The following DTX1 variants were observed in gnomAD, a reference collection of about 807,000 sequenced individuals.
DTX1 encodes deltex E3 ubiquitin ligase 1.
DTX1 carries 26 observed loss-of-function variants against 57.8 expected under a neutral mutation model. That is an observed-to-expected ratio of 0.45 (90% CI 0.33 to 0.62). DTX1 has a LOEUF of 0.62. Among genes scored for constraint, DTX1 ranks in the 20% least tolerant of loss-of-function variants. The pLI is 0.02. For missense variants in DTX1, 704 were observed against 895.3 expected, an observed-to-expected ratio of 0.79 and a Z score of 2.73; for synonymous variants, 398 against 394.1, an observed-to-expected ratio of 1.01 and a Z score of -0.12.
At chr12:113,060,476 G>A (rs1395768718) in intron 2 of DTX1, among the ~76,000 whole-genome samples, 2 of 152,198 alleles carry the variant, frequency 1.3e-5, no homozygotes, top group Non-Finnish European at 2.9e-5. Context: ...TCTGAAGAAT[G>A]AGTGAGGGTG....
In DTX1 at chr12:113,071,722, A is replaced by C. The variant is rs2044739340; in HGVS notation, c.260-5702A>C. On this transcript the variant is annotated intron_variant, in intron 2 of 9. Transcript: ENST00000548759. ...AGTCCAGGCAGGTCACCAAGGAACC[A>C]GCTGCCCACCCCCTCGGCCTGGTCC... Among the ~76,000 whole-genome samples the C allele has an allele frequency of 1.3e-5, 2 of 152,244 alleles. 1 individual carries two copies. The highest frequency in any genetic ancestry group is 4.1e-4 in the South Asian group (2 of 4,836).
At chr12:113,063,973 C>T (rs546739811) in intron 2 of DTX1, among the ~76,000 whole-genome samples, 1 of 152,314 alleles carries the variant, frequency 6.6e-6, no homozygotes, top group Admixed American at 6.5e-5. Flanking sequence ...CCCAGACAGG[C>T]CTTAGGGATA....
intron 2 of DTX1, among the ~76,000 whole-genome samples, chr12:113,076,059 G>C (rs974602347): frequency 6.6e-6 from 1 of 151,762 alleles, no homozygotes; most frequent in African/African-American, 2.4e-5. Context: ...AAGTACGTGG[G>C]GGGTGCACAT....
In DTX1 at chr12:113,093,529, T is replaced by C. The variant is rs1393292747; in HGVS notation, c.1004-10T>C. ...CGCCCCGCCCTGTGACTGCGCCCCCTAACCCCCAGGGATGACCGGGATACT... is the reference window on the plus strand; with the variant it reads ...CGCCCCGCCCTGTGACTGCGCCCCCCAACCCCCAGGGATGACCGGGATACT... On this transcript the variant is annotated splice_polypyrimidine_tract_variant and intron_variant, in intron 4 of 9. Transcript: ENST00000548759. The surrounding 1 kb of genome is among the most constrained non-coding windows in gnomAD (Gnocchi z 4.2). The C allele has an allele frequency of 2.2e-6, 3 of 1,385,398 alleles. No homozygotes were observed. The highest frequency in any genetic ancestry group is 2.4e-4 in the Middle Eastern group (1 of 4,194). 85.8% of individuals were successfully genotyped at this position (1,385,398 alleles called of 1,614,324 possible).
intron 3 of DTX1, among the ~76,000 whole-genome samples, chr12:113,081,242 T>C (rs751252170): frequency 3.3e-5 from 5 of 152,038 alleles, no homozygotes; most frequent in Admixed American, 6.6e-5. Context: ...ACTGGGAGGA[T>C]TGCGTGAACC....
chr12:113,088,354 C>T (rs1007258986), intron 3 of DTX1, among the ~76,000 whole-genome samples: 1 of 152,178 alleles, frequency 6.6e-6, no homozygotes, highest in Non-Finnish European at 1.5e-5. Flanking sequence ...ATTAGTAATG[C>T]CTGCTGTGGG....
chr12:113,057,167 A>T (rs1592838395), intron 1 of DTX1, among the ~76,000 whole-genome samples: 1 of 151,726 alleles, frequency 6.6e-6, no homozygotes, highest in Admixed American at 6.5e-5. Flanking sequence ...ACCCCAGCGC[A>T]CCCGGCATCC....
At chr12:113,090,559 C>T (rs1185471238) in intron 3 of DTX1, among the ~76,000 whole-genome samples, 1 of 152,214 alleles carries the variant, frequency 6.6e-6, no homozygotes, top group Non-Finnish European at 1.5e-5. Flanking sequence ...TTCTTCCCAC[C>T]TCCACTGACC....
Position 113,094,111 on chromosome 12 carries a change from A to AGGGGGGGG in DTX1, c.1227+12_1227+13insGGGGGGGG. On this transcript the variant is annotated intron_variant, in intron 6 of 9. Coordinates refer to ENST00000548759, the MANE Select transcript of DTX1 (RefSeq NM_004416.3). ...ACCCACCTGATGAGGTGAGGAGGGGATGGGGGGGCTGGGGGAGGGCCCTGG... is the reference window on the plus strand; with the variant it reads ...ACCCACCTGATGAGGTGAGGAGGGGAGGGGGGGGTGGGGGGGCTGGGGGAGGGCCCTGG... 3.6e-6 allele frequency: 2 copies of AGGGGGGGG among 562,452 alleles called. No homozygotes were observed. The highest frequency in any genetic ancestry group is 5.3e-5 in the Admixed American group (2 of 37,426). The allele number at this position is 562,452 out of a possible 1,614,324, so 34.8% of individuals were successfully genotyped here.
At position 113,078,023 on chromosome 12, in the gene DTX1, C is replaced by G; in HGVS notation, c.859C>G (p.Arg287Gly). The G allele has an allele frequency of 8.4e-7, 1 of 1,189,802 alleles. No homozygotes were observed. Among genetic ancestry groups the G allele is most frequent in the Non-Finnish European group, 1.0e-6 (1 of 960,452 alleles). The allele number at this position is 1,189,802 out of a possible 1,614,324, so 73.7% of individuals were successfully genotyped here. Residue 287 changes from arginine (R) to glycine (G), a missense_variant, in exon 3 of 10, where the codon CGC becomes GGC. Physicochemically the swap from Arg to Gly is moderately radical, Grantham distance 125 (BLOSUM62 -2). Transcript: ENST00000548759. ...PRSPGAPGGA[R>G]TPGQNNLNRP... ...GAGCCCGGGCGCCCCCGGCGGAGCG[C>G]GCACCCCGGGGCAGAACAACCTCAA...
intron 2 of DTX1, among the ~76,000 whole-genome samples, chr12:113,061,474 C>A (rs563140939): frequency 5.3e-5 from 8 of 152,328 alleles, no homozygotes; most frequent in Admixed American, 3.3e-4. Flanking sequence ...CCTCAACCGG[C>A]AGGGAGCAGA....
intron 1 of DTX1, among the ~76,000 whole-genome samples, chr12:113,057,187 G>A (rs1000531396): frequency 1.3e-5 from 2 of 151,996 alleles, no homozygotes; most frequent in Admixed American, 1.3e-4. Flanking sequence ...CCCCCGGCAG[G>A]GCGAGGGCCC....
chr12:113,062,032 TACACACACACACAC>T (rs35422556), intron 2 of DTX1, among the ~76,000 whole-genome samples: 14 of 142,390 alleles, frequency 9.8e-5, no homozygotes, highest in Non-Finnish European at 1.4e-4. Flanking sequence ...TTATATTTCA[TACACACACACACAC>T]ACACACACAC....
At chr12:113,088,459 G>A (rs1950221080) in intron 3 of DTX1, among the ~76,000 whole-genome samples, 1 of 152,196 alleles carries the variant, frequency 6.6e-6, no homozygotes, top group South Asian at 2.1e-4. Flanking sequence ...GATCATACAG[G>A]GCCTGGTCAT....
rs1387970225 is a variant in DTX1, at chr12:113,095,118, A to T, written c.1463A>T (p.Glu488Val). The T allele has an allele frequency of 6.2e-7, 1 of 1,613,804 alleles. No homozygotes were observed. Among genetic ancestry groups the T allele is most frequent in the South Asian group, 1.1e-5 (1 of 91,078 alleles). ...KTGTQPPGKM[E>V]FHLIPHSLPG... Reference sequence around the variant, plus strand: ...GGTACGCAGCCGCCTGGGAAGATGGAGTTCCACCTCATCCCCCACTCGCTG... The same window carrying T: ...GGTACGCAGCCGCCTGGGAAGATGGTGTTCCACCTCATCCCCCACTCGCTG... The change falls in exon 8 of 10, where the codon GAG (glutamate) becomes GTG (valine). Residue 488 changes from glutamate (E) to valine (V), a missense_variant. Coordinates refer to ENST00000548759, the MANE Select transcript of DTX1 (RefSeq NM_004416.3).
chr12:113,091,672 AC>A (rs1395524648), intron 3 of DTX1, among the ~76,000 whole-genome samples: 1 of 137,884 alleles, frequency 7.3e-6, no homozygotes, highest in African/African-American at 2.5e-5. Flanking sequence ...TGCCAAGGGC[AC>A]CATTTGCTTG....
chr12:113,058,038 G>C lies in DTX1; in HGVS notation c.-155G>C, dbSNP rs1566011583. The C allele has an allele frequency of 8.0e-7, 1 of 1,242,998 alleles. No homozygotes were observed. The highest frequency in any genetic ancestry group is 2.6e-5 in the East Asian group (1 of 39,006). The allele number at this position is 1,242,998 out of a possible 1,614,324, so 77.0% of individuals were successfully genotyped here. A position where few individuals can be genotyped will look rare whatever the true frequency, so the allele number is the denominator to read the frequency against. ...GGCCATCCCACATTCCTTTAACGGA[G>C]GTCTCTAGGCCTCAGAGAGAACCCA... On this transcript the variant is annotated 5_prime_UTR_variant, in exon 2 of 10. Transcript: ENST00000548759.
intron 3 of DTX1, among the ~76,000 whole-genome samples, chr12:113,080,276 A>G (rs1394642501): frequency 6.6e-6 from 1 of 152,192 alleles, no homozygotes; most frequent in Non-Finnish European, 1.5e-5. Context: ...GGATAGAGTC[A>G]CTGAGATCTC....
At chr12:113,087,132 T>A (rs927000698) in intron 3 of DTX1, among the ~76,000 whole-genome samples, 1 of 145,118 alleles carries the variant, frequency 6.9e-6, no homozygotes, top group Non-Finnish European at 1.5e-5. Context: ...GGTTGAAGAG[T>A]GACCCCCGCA....
Sources: allele counts gnomAD v4.1 joint callset (sites outside exome capture counted in the v4.1 genomes callset), GRCh38; gene constraint gnomAD v4.1.1; non-coding constraint Gnocchi (gnomAD v3.1); transcripts MANE v1.5; gene names NCBI Gene and HGNC (gene_info 2026-07-23, HGNC 2026-07-21).